Variants in NHLRC2 observed in about 807,000 individuals in gnomAD.
NHLRC2 encodes the protein NHL repeat-containing protein 2.
NHLRC2 carries 33 observed loss-of-function variants against 68.1 expected under a neutral mutation model. That is an observed-to-expected ratio of 0.48 (90% confidence interval 0.37 to 0.65). The LOEUF (loss-of-function observed/expected upper bound fraction) is 0.65, where lower values mean the gene tolerates loss of function less well. Among genes scored for constraint, NHLRC2 ranks in the 30% least tolerant of loss-of-function variants. The probability of loss-of-function intolerance (pLI) is 0.00; values close to 1 mark genes in which losing one functional copy is unlikely to be tolerated. For missense variants in NHLRC2, 761 were observed against 853.8 expected (o/e 0.89, Z 1.35); for synonymous variants, 311 against 309.6 (o/e 1.00, Z -0.05).
At chr10:113,884,550 A>G (rs778339672) in intron 5 of NHLRC2, among the ~76,000 whole-genome samples, 170 bp downstream of exon 5, 61 of 151,364 alleles carry the variant, frequency 4.0e-4, no homozygotes, top group Non-Finnish European at 8.7e-4. Context: ...GCAGTAATAT[A>G]GATATATATA....
At chr10:113,893,898 G>T (rs369233975) in intron 5 of NHLRC2, among the ~76,000 whole-genome samples, 14 of 152,288 alleles carry the variant, frequency 9.2e-5, no homozygotes, top group South Asian at 4.1e-4. Context: ...AGCTAAATTT[G>T]CCTAACTCAC....
intron 8 of NHLRC2, 66 bp from the exon 9 acceptor site, chr10:113,903,461 A>C (rs1486686151): frequency 1.1e-6 from 1 of 945,200 alleles, no homozygotes; most frequent in Non-Finnish European, 1.7e-6. Context: ...TTGATACCAT[A>C]CTCTTCCATA....
At chr10:113,875,424 G>T (rs1423202402) in intron 2 of NHLRC2, among the ~76,000 whole-genome samples, 4 of 152,112 alleles carry the variant, frequency 2.6e-5, no homozygotes, top group Admixed American at 1.3e-4. Context: ...TCTCCTCAGG[G>T]TTTCTCCCAC....
chr10:113,901,528 A>T, intron 6 of NHLRC2, 138 bp from the exon 7 acceptor site: 4 of 636,794 alleles, frequency 6.3e-6, no homozygotes, highest in Non-Finnish European at 1.1e-5. Context: ...TGAACAATTT[A>T]ACTAGACCAA....
At chr10:113,864,955 G>GT (rs769905965) in intron 2 of NHLRC2, among the ~76,000 whole-genome samples, 9,494 of 143,116 alleles carry the variant, frequency 0.066, 380 homozygotes, top group Non-Finnish European at 0.092. Context: ...AGGTTTTTTG[G>GT]TTTTTTTTTT....
intron 5 of NHLRC2, among the ~76,000 whole-genome samples, chr10:113,895,499 A>G (rs992087007): frequency 1.3e-5 from 2 of 152,204 alleles, no homozygotes; most frequent in African/African-American, 4.8e-5. Flanking sequence ...GGAGTAGGGA[A>G]GAAGCTTGAG....
At chr10:113,856,930 A>G (rs1845765805) in intron 1 of NHLRC2, among the ~76,000 whole-genome samples, 3 of 152,308 alleles carry the variant, frequency 2.0e-5, no homozygotes, top group South Asian at 4.1e-4. Context: ...ATTCACAGAG[A>G]CCTGGAATTA....
intron 2 of NHLRC2, among the ~76,000 whole-genome samples, chr10:113,871,293 G>T (rs923491579): frequency 5.3e-5 from 8 of 151,926 alleles, no homozygotes. Flanking sequence ...CAAAGTGTTG[G>T]GATTACAGGC....
rs188052475 is a variant in NHLRC2 at position 113,876,785 on chromosome 10, A to G, written c.596A>G (p.Lys199Arg). 7.7e-5 allele frequency: 124 copies of G among 1,612,402 alleles called. No individual in the cohort carries two copies. Among genetic ancestry groups the G allele is most frequent in the Non-Finnish European group, 2.6e-5 (31 of 1,178,590 alleles). Reference protein sequence around the residue: ...LYTSIALKYYKDRGQIRDNKI... With the variant: ...LYTSIALKYYRDRGQIRDNKI... ...ACTTCAATTGCTTTAAAGTATTACA[A>G]AGACAGGGGGCAGATCAGAGATAAT... The change falls in exon 3 of 11, where the codon AAA becomes AGA. Residue 199 changes from lysine (K) to arginine (R), a missense_variant. Transcript: ENST00000369301.
chr10:113,854,817 C>G lies in NHLRC2; in HGVS notation c.-56C>G, dbSNP rs1022612883. 2 of 1,467,624 alleles carry G rather than the reference C, an allele frequency of 1.4e-6. No homozygotes were observed. The highest frequency in any genetic ancestry group is 2.5e-5 in the East Asian group (1 of 40,392). 90.9% of individuals were successfully genotyped at this position (1,467,624 alleles called of 1,614,324 possible). On this transcript the variant is annotated 5_prime_UTR_variant, in exon 1 of 11. Coordinates refer to ENST00000369301, the MANE Select transcript of NHLRC2 (RefSeq NM_198514.4). ...CCACAGGACAGTGAACGTTTCGTCTCTCCCAGCGAGACTCTCCCGCGGGCC... is the reference window on the plus strand; with the variant it reads ...CCACAGGACAGTGAACGTTTCGTCTGTCCCAGCGAGACTCTCCCGCGGGCC...
rs1846314043 is a variant in NHLRC2 at position 113,910,236 on chromosome 10, GTAGC to G, written c.*1701_*1704del. On this transcript the variant is annotated 3_prime_UTR_variant, in exon 11 of 11. Transcript: ENST00000369301. ...TATTTTTGAGACGTAGTCTGGCTCT[GTAGC>G]CCAGGCTGGGAGGGCAGTGGCGCGA... is the stretch of plus-strand genomic sequence containing the variant. 1 of 152,262 alleles carries G rather than the reference GTAGC, an allele frequency of 6.6e-6. No individual in the cohort carries two copies. The highest frequency in any genetic ancestry group is 2.1e-4 in the South Asian group (1 of 4,832). 9.4% of individuals were successfully genotyped at this position (152,262 alleles called of 1,614,324 possible). A position where few individuals can be genotyped will look rare whatever the true frequency, so the allele number is the denominator to read the frequency against.
Position 113,879,212 on chromosome 10 carries a change from A to G in NHLRC2, c.788-362A>G, listed in dbSNP as rs144875747. The stretch of plus-strand genomic sequence containing the variant: ...GTGTATTTTTCTAGGGAAAGGGCTC[A>G]TAATTTTCATTGTATTATCCAAGGA... On this transcript the variant is annotated intron_variant, in intron 3 of 10. Coordinates refer to ENST00000369301, the MANE Select transcript of NHLRC2 (RefSeq NM_198514.4). Among the ~76,000 whole-genome samples the G allele has an allele frequency of 6.9e-3, 1,049 of 152,308 alleles. 5 individuals are homozygous for G. Among genetic ancestry groups the G allele is most frequent in the Non-Finnish European group, 9.9e-3 (673 of 68,020 alleles).
chr10:113,864,677 CAG>C (rs1276846413), intron 2 of NHLRC2, among the ~76,000 whole-genome samples: 1 of 137,558 alleles, frequency 7.3e-6, no homozygotes, highest in African/African-American at 2.6e-5. Flanking sequence ...AGCCTTTCGA[CAG>C]AGCAAGACTC....
chr10:113,867,497 T>C (rs926265979), intron 2 of NHLRC2, among the ~76,000 whole-genome samples: 1 of 152,232 alleles, frequency 6.6e-6, no homozygotes, highest in Non-Finnish European at 1.5e-5. Flanking sequence ...ATTTTTATGT[T>C]TCCATTGTTC....
intron 5 of NHLRC2, among the ~76,000 whole-genome samples, chr10:113,884,998 T>C (rs1260328729): frequency 6.6e-6 from 1 of 151,810 alleles, no homozygotes; most frequent in Non-Finnish European, 1.5e-5. Flanking sequence ...TTTTATTGGC[T>C]CTCAGTGATA....
chr10:113,864,625 A>G lies in NHLRC2; in HGVS notation c.331+5945A>G, dbSNP rs1027008750. On this transcript the variant is annotated intron_variant, in intron 2 of 10. Coordinates refer to ENST00000369301, the MANE Select transcript of NHLRC2 (RefSeq NM_198514.4). ...GGCAAGAGAATCGCTTGAACCCACG[A>G]GGCAGAGATTGCAGTGAGCTGAGAT... Among the ~76,000 whole-genome samples, 8 of 150,788 alleles carry G rather than the reference A, an allele frequency of 5.3e-5. No individual in the cohort carries two copies. The South Asian group carries it at 1.7e-3, about 33-fold the overall frequency.
rs1340310721 is a variant in NHLRC2 at position 113,854,837 on chromosome 10, C to T, written c.-36C>T. ...CGTCTCTCCCAGCGAGACTCTCCCGCGGGCCCGGCGGCCGCATCGGGAGCC... is the reference window on the plus strand; with the variant it reads ...CGTCTCTCCCAGCGAGACTCTCCCGTGGGCCCGGCGGCCGCATCGGGAGCC... On this transcript the variant is annotated 5_prime_UTR_variant, in exon 1 of 11. Coordinates refer to ENST00000369301, the MANE Select transcript of NHLRC2 (RefSeq NM_198514.4). The T allele has an allele frequency of 1.3e-6, 2 of 1,517,786 alleles. No individual in the cohort carries two copies. Among genetic ancestry groups the T allele is most frequent in the Non-Finnish European group, 8.8e-7 (1 of 1,132,180 alleles). 94.0% of individuals were successfully genotyped at this position (1,517,786 alleles called of 1,614,324 possible).
At chr10:113,859,005 AT>A (rs946521228) in intron 2 of NHLRC2, among the ~76,000 whole-genome samples, 1 of 152,152 alleles carries the variant, frequency 6.6e-6, no homozygotes, top group Admixed American at 6.5e-5. Flanking sequence ...TATTAAAAAA[AT>A]AAAATATCTG....
chr10:113,892,988 TATAAG>T (rs1177755783), intron 5 of NHLRC2, among the ~76,000 whole-genome samples: 1 of 152,206 alleles, frequency 6.6e-6, no homozygotes, highest in Non-Finnish European at 1.5e-5. Flanking sequence ...CACTGTTTTC[TATAAG>T]ATAAGAATTT....
Sources: allele counts gnomAD v4.1 joint callset (sites outside exome capture counted in the v4.1 genomes callset), GRCh38; gene constraint gnomAD v4.1.1; transcripts MANE v1.5; gene names NCBI Gene and HGNC (gene_info 2026-07-23, HGNC 2026-07-21).